The following NAV3 variants were observed in gnomAD, a reference collection of about 807,000 sequenced individuals.
NAV3 encodes the protein pore membrane and/or filament interacting like protein 1.
A neutral mutation model predicts 244.7 loss-of-function variants in NAV3; 87 were observed. The ratio of observed to expected loss-of-function variants is 0.36; its 90% CI spans 0.30 to 0.42. NAV3 has a LOEUF of 0.42. Ranked by LOEUF, NAV3 falls within the 20% of genes least tolerant of loss-of-function variation. NAV3 has a pLI of 1.00. For missense variants in NAV3, 2,663 were observed against 2,893.3 expected, an observed-to-expected ratio of 0.92 and a Z score of 1.83; for synonymous variants, 1,126 against 1,042.2, an observed-to-expected ratio of 1.08 and a Z score of -1.55.
At position 78,210,446 on chromosome 12, in the gene NAV3, C is replaced by G; in HGVS notation, c.7087C>G (p.Gln2363Glu). ...LQEAANYSST[Q>E]SCDSESTSHH... ...AGAAGCAGCCAATTACTCGAGCACA[C>G]AAAGCTGCGACAGCGAAAGCACCAG... is the stretch of plus-strand genomic sequence containing the variant. The change falls in exon 40 of 40, where the codon CAA becomes GAA. Residue 2363 changes from glutamine (Q) to glutamate (E), a missense_variant. Transcript: ENST00000397909. 6.2e-7 allele frequency: 1 copy of G among 1,613,724 alleles called. No homozygotes were observed. Among genetic ancestry groups the G allele is most frequent in the Non-Finnish European group, 8.5e-7 (1 of 1,179,858 alleles).
intron 2 of NAV3, among the ~76,000 whole-genome samples, chr12:77,817,550 TA>T (rs1302807273): frequency 6.6e-6 from 1 of 152,114 alleles, no homozygotes; most frequent in Non-Finnish European, 1.5e-5. Flanking sequence ...CTTTTTTTTT[TA>T]AACTGCAGAT....
At chr12:78,198,578 T>G in intron 35 of NAV3, 27 bp from the exon 36 acceptor site, 1 of 1,429,930 alleles carries the variant, frequency 7.0e-7, no homozygotes, top group Non-Finnish European at 9.7e-7. Flanking sequence ...TCCAGTAAAT[T>G]AAAATTTTCT....
chr12:77,730,860 A>C (rs189040464), intron 2 of NAV3, among the ~76,000 whole-genome samples: 12 of 151,852 alleles, frequency 7.9e-5, no homozygotes, highest in Non-Finnish European at 1.3e-4. Context: ...CAGCTTTCAC[A>C]AGTAAAGGGC....
intron 1 of NAV3, among the ~76,000 whole-genome samples, chr12:77,936,759 C>T (rs1464343956): frequency 6.6e-6 from 1 of 152,110 alleles, no homozygotes; most frequent in Non-Finnish European, 1.5e-5. Context: ...TTAAAGATCA[C>T]ATTCTAATGA....
chr12:77,897,031 A>G (rs1186573301), intron 1 of NAV3, among the ~76,000 whole-genome samples: 1 of 152,188 alleles, frequency 6.6e-6, no homozygotes, highest in Non-Finnish European at 1.5e-5. Context: ...CTTGTTAAAA[A>G]TATCGAATCT....
intron 2 of NAV3, among the ~76,000 whole-genome samples, chr12:77,736,682 A>C (rs1189453733): frequency 2.0e-5 from 3 of 152,196 alleles, no homozygotes; most frequent in Non-Finnish European, 2.9e-5. Flanking sequence ...AAAGAACTAT[A>C]CAAGGCCATG....
chr12:77,903,512 T>G lies in NAV3; in HGVS notation c.244-36807T>G, dbSNP rs527426199. On this transcript the variant is annotated intron_variant, in intron 1 of 39. Coordinates refer to ENST00000397909, the MANE Select transcript of NAV3 (RefSeq NM_001024383.2). ...ATTAATTCAAGATGGATTAAAGACTTAAATGTTAGACCTAAAACCATAAAA... is the reference window on the plus strand; with the variant it reads ...ATTAATTCAAGATGGATTAAAGACTGAAATGTTAGACCTAAAACCATAAAA... Among the ~76,000 whole-genome samples the G allele has an allele frequency of 9.9e-5, 15 of 152,284 alleles. No homozygotes were observed. In the South Asian group the frequency reaches 2.9e-3, roughly 30 times the overall value.
chr12:78,042,660 G>A (rs564909394), intron 9 of NAV3, among the ~76,000 whole-genome samples: 83 of 152,232 alleles, frequency 5.5e-4, no homozygotes, highest in Non-Finnish European at 1.1e-3. Context: ...GCATGGTGGC[G>A]AGGGCCTGAT....
chr12:78,012,266 C>T (rs76567400), intron 8 of NAV3, among the ~76,000 whole-genome samples: 326 of 152,156 alleles, frequency 2.1e-3, no homozygotes, highest in African/African-American at 7.6e-3. Flanking sequence ...TCTCCTAGTC[C>T]AAGCCACAAC....
At chr12:78,191,431 G>A (rs2139898803) in intron 34 of NAV3, among the ~76,000 whole-genome samples, 1 of 152,162 alleles carries the variant, frequency 6.6e-6, no homozygotes, top group Non-Finnish European at 1.5e-5. Context: ...CATATGCACA[G>A]TGCACGCGCA....
chr12:77,817,249 G>T (rs1312529808), intron 2 of NAV3, among the ~76,000 whole-genome samples: 2 of 152,200 alleles, frequency 1.3e-5, no homozygotes, highest in Non-Finnish European at 2.9e-5. Context: ...AAGCTTTAAG[G>T]CTTATCTAAA....
At chr12:78,122,456 A>G in intron 16 of NAV3, 28 bp downstream of exon 16, 2 of 1,548,806 alleles carry the variant, frequency 1.3e-6, no homozygotes, top group Non-Finnish European at 1.7e-6. Context: ...CATTGATAAC[A>G]TCTTCCCCCT....
At chr12:78,035,467 C>T (rs189210289) in intron 9 of NAV3, among the ~76,000 whole-genome samples, 8 of 152,126 alleles carry the variant, frequency 5.3e-5, no homozygotes, top group East Asian at 1.9e-4. Context: ...GTATAGTGTA[C>T]GTACCAGTAC....
chr12:78,036,619 C>A (rs1879928159), intron 9 of NAV3: 1 of 359,130 alleles, frequency 2.8e-6, no homozygotes, highest in Non-Finnish European at 5.1e-6. Flanking sequence ...TTGGTGAACT[C>A]TTTTCTGCTT....
At chr12:77,945,064 A>G (rs935978464) in intron 3 of NAV3, among the ~76,000 whole-genome samples, 1 of 152,118 alleles carries the variant, frequency 6.6e-6, no homozygotes, top group African/African-American at 2.4e-5. Context: ...AGAAGTGCCA[A>G]TATCCATTGA....
At chr12:78,022,696 A>G (rs537423460) in intron 9 of NAV3, among the ~76,000 whole-genome samples, 12 of 152,172 alleles carry the variant, frequency 7.9e-5, no homozygotes, top group South Asian at 2.1e-4. Context: ...GACTCAAAGT[A>G]TAAGTATTGC....
chr12:77,994,671 A>G (rs1291549502), intron 5 of NAV3, 132 bp from the exon 6 acceptor site: 6 of 617,076 alleles, frequency 9.7e-6, no homozygotes, highest in Non-Finnish European at 1.7e-5. Context: ...TTTCTAATTA[A>G]TTTGTTCTTT....
chr12:77,985,843 G>T (rs1870410933), intron 5 of NAV3, among the ~76,000 whole-genome samples: 1 of 152,054 alleles, frequency 6.6e-6, no homozygotes, highest in African/African-American at 2.4e-5. Flanking sequence ...TTTTAGCCAT[G>T]ATTTCCTATT....
intron 3 of NAV3, among the ~76,000 whole-genome samples, chr12:77,943,393 A>G (rs1314447459): frequency 1.3e-5 from 2 of 152,202 alleles, no homozygotes; most frequent in Non-Finnish European, 2.9e-5. Flanking sequence ...TTGACTAAGA[A>G]TGACTTAGAT....
Sources: gnomAD v4.1 joint callset for allele counts (sites outside exome capture counted in the v4.1 genomes callset) on GRCh38, gnomAD v4.1.1 for gene constraint, MANE v1.5 for transcripts, NCBI Gene and HGNC (gene_info 2026-07-23, HGNC 2026-07-21) for gene names.